The following DPP6 variants were observed in gnomAD, a reference collection of about 807,000 sequenced individuals.
The protein encoded by DPP6 is dipeptidyl peptidase like 6, also known as A-type potassium channel modulatory protein DPP6.
DPP6 carries 69 observed loss-of-function variants against 122.6 expected under a neutral mutation model. The observed-to-expected ratio is 0.56, with a 90% CI of 0.46 to 0.69. The LOEUF is 0.69. DPP6 is among the 30% of genes least tolerant of loss of function. The pLI, the probability that DPP6 is intolerant of heterozygous loss-of-function variation, is 0.00. For synonymous variants in DPP6, 418 were observed against 433.1 expected, an observed-to-expected ratio of 0.97 and a Z score of 0.43; for missense variants, 928 against 1,116.9, an observed-to-expected ratio of 0.83 and a Z score of 2.41.
At chr7:153,916,954 A>G (rs1423129162) in intron 1 of DPP6, among the ~76,000 whole-genome samples, 2 of 152,232 alleles carry the variant, frequency 1.3e-5, no homozygotes, top group Non-Finnish European at 2.9e-5. Flanking sequence ...TGAATAGAGC[A>G]TCGCTGATTA....
At chr7:154,681,987 G>C (rs1024187803) in intron 7 of DPP6, among the ~76,000 whole-genome samples, 13 of 152,360 alleles carry the variant, frequency 8.5e-5, no homozygotes, top group African/African-American at 3.1e-4. Flanking sequence ...ATTGTGCAGA[G>C]TGTAGGTTCT....
At chr7:154,358,943 T>C (rs6975265) in intron 1 of DPP6, among the ~76,000 whole-genome samples, 1,972 of 152,278 alleles carry the variant, frequency 0.013, 34 homozygotes, top group African/African-American at 0.044. Context: ...TGACCTCAGG[T>C]GATCCACCTG....
chr7:154,851,141 A>G (rs1408051740), intron 16 of DPP6, among the ~76,000 whole-genome samples: 2 of 152,232 alleles, frequency 1.3e-5, no homozygotes, highest in Non-Finnish European at 2.9e-5. Context: ...TTTTAGAAAC[A>G]TATATTAAGT....
At chr7:153,823,496 C>T in the DPP6 span, among the ~76,000 whole-genome samples, 1 of 150,552 alleles carries the variant, frequency 6.6e-6, no homozygotes, top group South Asian at 2.1e-4. Context: ...CTCAGGTTCC[C>T]ACAGACAGCC....
chr7:154,012,818 G>A (rs1798210516), intron 1 of DPP6, among the ~76,000 whole-genome samples: 1 of 152,154 alleles, frequency 6.6e-6, no homozygotes, highest in Admixed American at 6.5e-5. Flanking sequence ...ACTTTTAATT[G>A]AATGTAGAAC....
the DPP6 span, among the ~76,000 whole-genome samples, chr7:153,879,855 T>C: frequency 6.6e-6 from 1 of 152,238 alleles, no homozygotes; most frequent in South Asian, 2.1e-4. Context: ...CGATATAGTT[T>C]TATTTATTAC....
At chr7:153,767,931 G>T in the DPP6 span, among the ~76,000 whole-genome samples, 1 of 152,152 alleles carries the variant, frequency 6.6e-6, no homozygotes, top group East Asian at 1.9e-4. Context: ...AAGAAAGTGG[G>T]GTGAGTCAAA....
intron 1 of DPP6, among the ~76,000 whole-genome samples, chr7:154,391,715 TGTTG>T (rs1355074243): frequency 2.0e-5 from 3 of 152,158 alleles, no homozygotes; most frequent in Admixed American, 1.3e-4. Context: ...TCAGCAAAGA[TGTTG>T]GTTCTTCCCA....
chr7:153,952,899 C>T (rs1362300523), intron 1 of DPP6, among the ~76,000 whole-genome samples: 1 of 152,204 alleles, frequency 6.6e-6, no homozygotes, highest in Non-Finnish European at 1.5e-5. Flanking sequence ...TTTTAAAAGG[C>T]TTACCATAGA....
intron 3 of DPP6, among the ~76,000 whole-genome samples, chr7:154,484,516 G>A (rs1363024969): frequency 6.6e-6 from 1 of 152,200 alleles, no homozygotes; most frequent in Non-Finnish European, 1.5e-5. Flanking sequence ...ATGCAGGCAG[G>A]CCTGGAGCTG....
At chr7:154,313,685 G>GTGTGTGTGTGTGTGTGTATATA in intron 1 of DPP6, among the ~76,000 whole-genome samples, 2 of 20,466 alleles carry the variant, frequency 9.8e-5, no homozygotes, top group African/African-American at 1.3e-4. Flanking sequence ...TTAAGATATG[G>GTGTGTGTGTGTGTGTGTATATA]TATATATATA....
chr7:154,720,868 G>A (rs958356037), intron 7 of DPP6, among the ~76,000 whole-genome samples: 1 of 152,178 alleles, frequency 6.6e-6, no homozygotes, highest in Non-Finnish European at 1.5e-5. Context: ...GTGTGGGCCT[G>A]CAGTCACCGG....
upstream of DPP6, among the ~76,000 whole-genome samples, chr7:154,051,420 G>C (rs1800306419): frequency 6.6e-6 from 1 of 151,422 alleles, no homozygotes; most frequent in African/African-American, 2.4e-5. Flanking sequence ...GAGGAGTGCA[G>C]AAGGGAGCCG....
intron 1 of DPP6, among the ~76,000 whole-genome samples, chr7:153,964,984 CTTCCTTCCTTCCTTT>C (rs774191538): frequency 0.26 from 27,017 of 103,638 alleles, 3,867 homozygotes; most frequent in Admixed American, 0.32. Flanking sequence ...TTTTCCCTTC[CTTCCTTCCTTCCTTT>C]CTTCCTTCCT....
At chr7:153,912,817 C>T (rs1341632431) in intron 1 of DPP6, among the ~76,000 whole-genome samples, 1 of 152,158 alleles carries the variant, frequency 6.6e-6, no homozygotes, top group South Asian at 2.1e-4. Flanking sequence ...GTTAGAGCCC[C>T]ACACAGCAGG....
intron 6 of DPP6, among the ~76,000 whole-genome samples, chr7:154,652,318 T>C (rs555521702): frequency 6.6e-6 from 1 of 152,298 alleles, no homozygotes; most frequent in Non-Finnish European, 1.5e-5. Flanking sequence ...TATTACTTTT[T>C]TTCCCCTACC....
Position 154,821,602 on chromosome 7 carries a change from AATAT to A in DPP6, c.1666+14503_1666+14506del, listed in dbSNP as rs929102643. On this transcript the variant is annotated intron_variant, in intron 16 of 25. Coordinates refer to ENST00000377770, the MANE Select transcript of DPP6 (RefSeq NM_130797.4). The surrounding 1 kb of genome is among the most constrained non-coding windows in gnomAD (Gnocchi z 4.2). Reference sequence around the variant, plus strand: ...CAGTTTTCAAATGAAATGTTAAGTGAATATATATATATATATTTTTTTTCTGTAT... The same window carrying A: ...CAGTTTTCAAATGAAATGTTAAGTGAATATATATATATTTTTTTTCTGTAT... Among the ~76,000 whole-genome samples, 1 of 68,254 alleles carries A rather than the reference AATAT, an allele frequency of 1.5e-5. No individual in the cohort carries two copies. The highest frequency in any genetic ancestry group is 4.4e-5 in the African/African-American group (1 of 22,678). 44.8% of individuals were successfully genotyped at this position (68,254 alleles called of 152,430 possible). A position where few individuals can be genotyped will look rare whatever the true frequency, so the allele number is the denominator to read the frequency against.
the DPP6 span, among the ~76,000 whole-genome samples, chr7:153,823,914 C>T: frequency 2.6e-5 from 4 of 152,140 alleles, no homozygotes; most frequent in African/African-American, 4.8e-5. Flanking sequence ...GTGCATTGTG[C>T]ATTTTCATAA....
intron 1 of DPP6, among the ~76,000 whole-genome samples, chr7:153,923,977 C>T (rs1279183125): frequency 1.3e-5 from 2 of 152,202 alleles, no homozygotes; most frequent in South Asian, 2.1e-4. Flanking sequence ...GCACACAAGA[C>T]TCAAGAACTG....
Sources: allele counts gnomAD v4.1 joint callset (sites outside exome capture counted in the v4.1 genomes callset), GRCh38; gene constraint gnomAD v4.1.1; non-coding constraint Gnocchi (gnomAD v3.1); transcripts MANE v1.5; gene names NCBI Gene and HGNC (gene_info 2026-07-23, HGNC 2026-07-21).